GCLC: variants seen among roughly 807,000 people sequenced by gnomAD.
GCLC encodes the protein glutamate-cysteine ligase catalytic subunit, also known as glutamate--cysteine ligase catalytic subunit.
Under a neutral mutation model 81.5 loss-of-function variants are expected in GCLC, and 30 were observed. The observed-to-expected ratio is 0.37, with a 90% CI of 0.28 to 0.50. GCLC has a LOEUF of 0.50. Ranked by LOEUF, GCLC falls within the 20% of genes least tolerant of loss-of-function variation. GCLC has a pLI of 0.96. For missense variants in GCLC, 556 were observed against 777.4 expected (o/e 0.72, Z 3.39); for synonymous variants, 262 against 273.3 (o/e 0.96, Z 0.41).
At chr6:53,526,797 CAAAAA>C (rs58177984) in intron 1 of GCLC, among the ~76,000 whole-genome samples, 5 of 107,442 alleles carry the variant, frequency 4.7e-5, no homozygotes, top group African/African-American at 1.7e-4. Context: ...GACTCCGCCT[CAAAAA>C]AAAAAAAAAA....
chr6:53,537,651 A>G (rs996465988), intron 1 of GCLC, among the ~76,000 whole-genome samples: 11 of 150,994 alleles, frequency 7.3e-5, no homozygotes, highest in Non-Finnish European at 1.3e-4. Context: ...ATAAATACAT[A>G]ATATTAAAAA....
chr6:53,501,933 A>G (rs563980351), intron 12 of GCLC, among the ~76,000 whole-genome samples: 4 of 152,352 alleles, frequency 2.6e-5, no homozygotes, highest in South Asian at 2.1e-4. Context: ...ATTTAAAGCT[A>G]TAATTTTTCC....
intron 12 of GCLC, chr6:53,500,977 G>A (rs1031094971): frequency 2.0e-5 from 5 of 255,146 alleles, no homozygotes; most frequent in Non-Finnish European, 3.0e-5. Context: ...GTGCAGTGGT[G>A]CAATCTCATC....
intron 1 of GCLC, among the ~76,000 whole-genome samples, chr6:53,540,786 C>G (rs193294286): frequency 6.6e-6 from 1 of 152,012 alleles, no homozygotes; most frequent in African/African-American, 2.4e-5. Flanking sequence ...AATGCTCTTA[C>G]AAAAGGGTGA....
At chr6:53,543,177 C>T (rs1763388730) in intron 1 of GCLC, among the ~76,000 whole-genome samples, 1 of 152,226 alleles carries the variant, frequency 6.6e-6, no homozygotes, top group South Asian at 2.1e-4. Flanking sequence ...CAGAGGTGAA[C>T]AAGCATAATG....
intron 6 of GCLC, chr6:53,509,777 T>C (rs1764698770): frequency 5.9e-6 from 1 of 170,424 alleles, no homozygotes; most frequent in Admixed American, 5.7e-5. Flanking sequence ...GCCTCCCGAG[T>C]AGCTGGGACT....
chr6:53,517,534 A>G (rs1400084398), intron 3 of GCLC, among the ~76,000 whole-genome samples: 6 of 152,114 alleles, frequency 3.9e-5, no homozygotes, highest in Admixed American at 2.6e-4. Context: ...GGTTCTTGAG[A>G]ATTCTTGAAG....
In GCLC at chr6:53,522,265, A is replaced by G. The variant is rs1401724781; in HGVS notation, c.263+150T>C. The G allele has an allele frequency of 3.0e-5, 20 of 656,416 alleles. No individual in the cohort carries two copies. In the East Asian group the frequency reaches 4.8e-4, roughly 16 times the overall value. The allele number at this position is 656,416 out of a possible 1,614,324, so 40.7% of individuals were successfully genotyped here. A position where few individuals can be genotyped will look rare whatever the true frequency, so the allele number is the denominator to read the frequency against. ...CCAAGGTTATTCAGCTATTGAGTAAAGGAACCATGATTTGAAACTATGGCA... is the reference window on the plus strand; with the variant it reads ...CCAAGGTTATTCAGCTATTGAGTAAGGGAACCATGATTTGAAACTATGGCA... On this transcript the variant is annotated intron_variant, in intron 2 of 15. Coordinates refer to ENST00000650454, the MANE Select transcript of GCLC (RefSeq NM_001498.4).
intron 15 of GCLC, 101 bp from the exon 16 acceptor site, chr6:53,499,068 A>G (rs1356888998): frequency 2.6e-6 from 2 of 776,596 alleles, no homozygotes; most frequent in Non-Finnish European, 4.6e-6. Flanking sequence ...TCTGGAGAGA[A>G]ATCAATATGT....
At chr6:53,510,319 G>A (rs1456345877) in intron 6 of GCLC, 1 of 152,152 alleles carries the variant, frequency 6.6e-6, no homozygotes, top group Non-Finnish European at 1.5e-5. Flanking sequence ...TAGGCTCAGA[G>A]AATGTCCTGA....
chr6:53,535,658 A>AT, intron 1 of GCLC, among the ~76,000 whole-genome samples: 3 of 152,376 alleles, frequency 2.0e-5, no homozygotes, highest in Middle Eastern at 6.8e-3. Context: ...CAGACAAATG[A>AT]TTTTAACACA....
Position 53,542,426 on chromosome 6 carries a change from A to C in GCLC, c.150+2070T>G, listed in dbSNP as rs555270900. On this transcript the variant is annotated intron_variant, in intron 1 of 15. Transcript: ENST00000650454. Reference sequence around the variant, plus strand: ...TCTACTCTTCAGCTCTTCCCACTTCAATTTACCCAACAACTACAAAAGTTA... The same window carrying C: ...TCTACTCTTCAGCTCTTCCCACTTCCATTTACCCAACAACTACAAAAGTTA... Among the ~76,000 whole-genome samples the C allele has an allele frequency of 1.6e-4, 25 of 152,310 alleles. No individual in the cohort carries two copies. The South Asian group carries it at 5.2e-3, about 32-fold the overall frequency.
intron 3 of GCLC, among the ~76,000 whole-genome samples, chr6:53,519,062 C>T (rs549393039): frequency 1.3e-5 from 2 of 152,338 alleles, no homozygotes; most frequent in South Asian, 2.1e-4. Context: ...AGCCCTGGCA[C>T]CAGCTCCACA....
Position 53,520,859 on chromosome 6 carries a change from G to A in GCLC, c.365C>T (p.Ala122Val). 4.3e-6 allele frequency: 7 copies of A among 1,613,852 alleles called. No homozygotes were observed. Among genetic ancestry groups the A allele is most frequent in the Non-Finnish European group, 5.1e-6 (6 of 1,179,752 alleles). ...CTCCTTCCGGCGTTTTCGCATGTTG[G>A]CCTCAACTGTATTGAACTCGGACAT... Reference protein sequence around the residue: ...GTMSEFNTVEANMRKRRKEAT... With the variant: ...GTMSEFNTVEVNMRKRRKEAT... Residue 122 changes from alanine to valine, a missense_variant, in exon 3 of 16, where the codon GCC becomes GTC. Physicochemically the swap from Ala to Val is moderately conservative, Grantham distance 64. This residue lies in a region of GCLC where 234 missense variants were observed against 303.8 expected (regional missense o/e 0.77). Transcript: ENST00000650454.
Position 53,511,846 on chromosome 6 carries a change from G to C in GCLC, c.753+2358C>G, listed in dbSNP as rs537624976. Among the ~76,000 whole-genome samples, 312 of 112,976 alleles carry C rather than the reference G, an allele frequency of 2.8e-3. 4 individuals carry two copies. Among genetic ancestry groups the C allele is most frequent in the African/African-American group, 0.01 (297 of 28,800 alleles). The allele number at this position is 112,976 out of a possible 152,430, so 74.1% of individuals were successfully genotyped here. ...CTAAGGAACATATATGTTAGAAACT[G>C]AAACATCTAATCTAAACTTTATCTA... is the stretch of plus-strand genomic sequence containing the variant. On this transcript the variant is annotated intron_variant, in intron 6 of 15. Coordinates refer to ENST00000650454, the MANE Select transcript of GCLC (RefSeq NM_001498.4).
intron 4 of GCLC, 37 bp downstream of exon 4, chr6:53,516,072 G>A (rs938757802): frequency 8.5e-7 from 1 of 1,173,464 alleles, no homozygotes; most frequent in Non-Finnish European, 1.3e-6. Context: ...GGGGTCTAGT[G>A]AAGGGCATCT....
At chr6:53,509,288 C>A in intron 6 of GCLC, 38 bp from the exon 7 acceptor site, 1 of 1,184,876 alleles carries the variant, frequency 8.4e-7, no homozygotes. Context: ...ACCAAGGAAT[C>A]ATTAGCATGC....
At chr6:53,521,608 T>G (rs1362777763) in intron 2 of GCLC, among the ~76,000 whole-genome samples, 2 of 151,798 alleles carry the variant, frequency 1.3e-5, no homozygotes, top group African/African-American at 2.4e-5. Flanking sequence ...AACGAATGAG[T>G]GGAAAATGAG....
chr6:53,522,726 C>A, intron 1 of GCLC, 199 bp from the exon 2 acceptor site: 1 of 508,364 alleles, frequency 2.0e-6, no homozygotes, highest in South Asian at 2.1e-5. Flanking sequence ...GTCAGTAGTG[C>A]CACTTCCATC....
Sources: allele counts gnomAD v4.1 joint callset (sites outside exome capture counted in the v4.1 genomes callset), GRCh38; gene constraint gnomAD v4.1.1; regional missense constraint gnomAD v4.1.1; transcripts MANE v1.5; gene names NCBI Gene and HGNC (gene_info 2026-07-23, HGNC 2026-07-21).